The following FRAS1 variants were observed in gnomAD, a reference collection of about 807,000 sequenced individuals.
The protein encoded by FRAS1 is Fraser extracellular matrix complex subunit 1, also known as extracellular matrix organizing protein FRAS1.
A neutral mutation model predicts 435.2 loss-of-function variants in FRAS1; 290 were observed. The observed-to-expected ratio is 0.67, with a 90% CI of 0.61 to 0.73. FRAS1 has a LOEUF of 0.73. Among genes scored for constraint, FRAS1 ranks in the 30% least tolerant of loss-of-function variants. FRAS1 has a pLI of 0.00. For synonymous variants in FRAS1, 1,800 were observed against 1,851.0 expected, an observed-to-expected ratio of 0.97 and a Z score of 0.71; for missense variants, 4,860 against 5,001.5, an observed-to-expected ratio of 0.97 and a Z score of 0.85.
intron 2 of FRAS1, among the ~76,000 whole-genome samples, chr4:78,077,860 C>T (rs1194432080): frequency 6.6e-6 from 1 of 150,534 alleles, no homozygotes; most frequent in Non-Finnish European, 1.5e-5. Flanking sequence ...GAGAAAATGG[C>T]CATGTTGCTT....
chr4:78,355,094 C>T (rs1730797628), intron 20 of FRAS1, among the ~76,000 whole-genome samples: 1 of 152,088 alleles, frequency 6.6e-6, no homozygotes, highest in Non-Finnish European at 1.5e-5. Context: ...AAATTTCTAG[C>T]ATGTCTACGT....
intron 61 of FRAS1, among the ~76,000 whole-genome samples, chr4:78,503,303 T>C (rs950506006): frequency 6.6e-6 from 1 of 152,252 alleles, no homozygotes; most frequent in Admixed American, 6.5e-5. Flanking sequence ...AGCTCTTCTT[T>C]GTACCTCTGA....
At position 78,475,507 on chromosome 4, in the gene FRAS1, T is replaced by C. The variant is rs771693938; in HGVS notation, c.7752T>C (p.Tyr2584=). 6.2e-7 allele frequency: 1 copy of C among 1,613,944 alleles called. No homozygotes were observed. Among genetic ancestry groups the C allele is most frequent in the Non-Finnish European group, 8.5e-7 (1 of 1,179,848 alleles). Reference sequence around the variant, plus strand: ...AGAGGACTGGGAACCTGAACCAATATGCCATCGTCCTGTGTCGCACCGAGC... The same window carrying C: ...AGAGGACTGGGAACCTGAACCAATACGCCATCGTCCTGTGTCGCACCGAGC... ...TVQRTGNLNQ[Y]AIVLCRTEQG... is the part of the protein sequence containing the mutation. Residue 2584 remains tyrosine, a synonymous_variant, in exon 54 of 74, where the codon TAT becomes TAC. Transcript: ENST00000512123.
chr4:78,301,833 G>T (rs1728412044), intron 14 of FRAS1, among the ~76,000 whole-genome samples: 2 of 143,614 alleles, frequency 1.4e-5, no homozygotes, highest in South Asian at 2.2e-4. Context: ...TGTACTTCTG[G>T]CCCACAGAAA....
At position 78,494,657 on chromosome 4, in the gene FRAS1, T is replaced by G. The variant is rs191455218; in HGVS notation, c.8959-2148T>G. 8.6e-4 allele frequency among the ~76,000 whole-genome samples: 131 copies of G among 152,258 alleles called. 1 individual carries two copies. The Middle Eastern group carries it at 0.024, about 28-fold the overall frequency. On this transcript the variant is annotated intron_variant, in intron 59 of 73. Transcript: ENST00000512123. ...ACTTCCAATAATTGGGGATCAAATTTCAACAGGAGATATGGAGGGGACAAA... is the reference window on the plus strand; with the variant it reads ...ACTTCCAATAATTGGGGATCAAATTGCAACAGGAGATATGGAGGGGACAAA...
intron 6 of FRAS1, among the ~76,000 whole-genome samples, chr4:78,258,128 C>A (rs146528292): frequency 6.6e-6 from 1 of 151,970 alleles, no homozygotes; most frequent in East Asian, 1.9e-4. Context: ...ATTGCTTGAG[C>A]CCAGGAGTTC....
rs1292362492 is a variant in FRAS1 at position 78,481,980 on chromosome 4, T to C, written c.8604+16T>C. 1 of 1,608,644 alleles carries C rather than the reference T, an allele frequency of 6.2e-7. No homozygotes were observed. Among genetic ancestry groups the C allele is most frequent in the African/African-American group, 1.3e-5 (1 of 74,482 alleles). Reference sequence around the variant, plus strand: ...CATTGAACAGGTGCGTTTACAGCAGTCGAGACTCCACAAAGTTGACAGGTC... The same window carrying C: ...CATTGAACAGGTGCGTTTACAGCAGCCGAGACTCCACAAAGTTGACAGGTC... On this transcript the variant is annotated intron_variant, in intron 57 of 73. Coordinates refer to ENST00000512123, the MANE Select transcript of FRAS1 (RefSeq NM_025074.7).
intron 66 of FRAS1, among the ~76,000 whole-genome samples, chr4:78,516,347 G>A (rs985539507): frequency 2.6e-5 from 4 of 152,168 alleles, no homozygotes; most frequent in African/African-American, 9.7e-5. Context: ...TGATGCTAGG[G>A]TTATTACTAC....
At chr4:78,308,974 T>C (rs1333960533) in intron 15 of FRAS1, among the ~76,000 whole-genome samples, 1 of 152,232 alleles carries the variant, frequency 6.6e-6, no homozygotes, top group Non-Finnish European at 1.5e-5. Flanking sequence ...TGTGATTAAG[T>C]TAAGGATCTT....
chr4:78,208,193 T>G (rs933209149), intron 2 of FRAS1, among the ~76,000 whole-genome samples: 21 of 151,990 alleles, frequency 1.4e-4, no homozygotes, highest in African/African-American at 4.8e-4. Flanking sequence ...AGAAGAGAGA[T>G]AACAATCACT....
Position 78,181,284 on chromosome 4 carries a change from T to C in FRAS1, c.109-56226T>C, listed in dbSNP as rs1480866178. On this transcript the variant is annotated intron_variant, in intron 2 of 73. Transcript: ENST00000512123. ...TCAACATCATTCTCCTTATTTTCAG[T>C]GTCTGCCACTGGATGATGTTCTTCA... is the stretch of plus-strand genomic sequence containing the variant. The C allele has an allele frequency of 7.8e-5, 126 of 1,605,476 alleles. 1 individual carries two copies. The Middle Eastern group carries it at 1.2e-3, about 16-fold the overall frequency.
intron 2 of FRAS1, among the ~76,000 whole-genome samples, chr4:78,116,877 T>A (rs900116729): frequency 6.6e-6 from 1 of 152,250 alleles, no homozygotes; most frequent in Non-Finnish European, 1.5e-5. Flanking sequence ...GTCATTATGA[T>A]GTTAGCTGGT....
intron 4 of FRAS1, among the ~76,000 whole-genome samples, chr4:78,249,121 T>A (rs534375192): frequency 6.2e-4 from 38 of 61,300 alleles, no homozygotes; most frequent in Non-Finnish European, 1.3e-3. Context: ...AGGCTGGGTG[T>A]GTTGCATGCA....
intron 47 of FRAS1, among the ~76,000 whole-genome samples, chr4:78,456,975 G>A (rs1280777807): frequency 3.3e-5 from 5 of 152,104 alleles, no homozygotes; most frequent in Non-Finnish European, 7.4e-5. Flanking sequence ...CTCACCCCAC[G>A]TGCTTCATTC....
At chr4:78,176,851 C>T (rs1029422492) in intron 2 of FRAS1, among the ~76,000 whole-genome samples, 1 of 152,174 alleles carries the variant, frequency 6.6e-6, no homozygotes, top group African/African-American at 2.4e-5. Context: ...CAAGAAAGAG[C>T]CTTCTTTAGG....
At position 78,513,330 on chromosome 4, in the gene FRAS1, T is replaced by C. The variant is rs72659041; in HGVS notation, c.10014-62T>C. 11,635 of 1,513,094 alleles carry C rather than the reference T, an allele frequency of 7.7e-3. 68 individuals carry two copies. Among genetic ancestry groups the C allele is most frequent in the Non-Finnish European group, 9.4e-3 (10,282 of 1,097,536 alleles). 93.7% of individuals were successfully genotyped at this position (1,513,094 alleles called of 1,614,324 possible). On this transcript the variant is annotated intron_variant, in intron 64 of 73. Coordinates refer to ENST00000512123, the MANE Select transcript of FRAS1 (RefSeq NM_025074.7). Reference sequence around the variant, plus strand: ...GACAAATTAGGTGATGAGAAAGAAGTATGTCCTATTGACCATTTATAGCAG... The same window carrying C: ...GACAAATTAGGTGATGAGAAAGAAGCATGTCCTATTGACCATTTATAGCAG...
In FRAS1 at chr4:78,544,037, T is replaced by A. The variant is rs1472819156; in HGVS notation, c.*2913T>A. On this transcript the variant is annotated 3_prime_UTR_variant, in exon 74 of 74. Coordinates refer to ENST00000512123, the MANE Select transcript of FRAS1 (RefSeq NM_025074.7). ...GGGTGGGAAATAGTGTTGGAATGTG[T>A]TTGCACAGTCTTATGATATTCAGTC... 6.6e-6 allele frequency: 1 copy of A among 152,232 alleles called. No homozygotes were observed. Among genetic ancestry groups the A allele is most frequent in the African/African-American group, 2.4e-5 (1 of 41,018 alleles). 9.4% of individuals were successfully genotyped at this position (152,232 alleles called of 1,614,324 possible). A position where few individuals can be genotyped will look rare whatever the true frequency, so the allele number is the denominator to read the frequency against.
At chr4:78,411,768 A>G (rs1291630641) in intron 31 of FRAS1, among the ~76,000 whole-genome samples, 2 of 152,188 alleles carry the variant, frequency 1.3e-5, no homozygotes, top group Admixed American at 6.5e-5. Flanking sequence ...AAGATAGAAT[A>G]TATTCCGCCA....
intron 2 of FRAS1, among the ~76,000 whole-genome samples, chr4:78,219,054 T>G (rs1723930020): frequency 6.6e-6 from 1 of 152,224 alleles, no homozygotes; most frequent in Non-Finnish European, 1.5e-5. Context: ...CAGGAAATGC[T>G]TCTATGGTAA....
Sources: gnomAD v4.1 joint callset for allele counts (sites outside exome capture counted in the v4.1 genomes callset) on GRCh38, gnomAD v4.1.1 for gene constraint, MANE v1.5 for transcripts, NCBI Gene and HGNC (gene_info 2026-07-23, HGNC 2026-07-21) for gene names.